Variants in MAP3K4 observed in about 807,000 individuals in gnomAD.
MAP3K4 encodes MAP three kinase 1.
In MAP3K4, 67 loss-of-function variants were observed where a neutral mutation model predicts 185.6. That is an observed-to-expected ratio of 0.36 (90% confidence interval 0.30 to 0.44). MAP3K4 has a LOEUF of 0.44. Ranked by LOEUF, MAP3K4 falls within the 20% of genes least tolerant of loss-of-function variation. The pLI, the probability that MAP3K4 is intolerant of heterozygous loss-of-function variation, is 1.00. For missense variants in MAP3K4, 1,551 were observed against 1,995.1 expected, an observed-to-expected ratio of 0.78 and a Z score of 4.24; for synonymous variants, 702 against 710.4, an observed-to-expected ratio of 0.99 and a Z score of 0.19.
rs889701542 is a variant in MAP3K4 at position 161,043,068 on chromosome 6, T to G, written c.344-5548T>G. Among the ~76,000 whole-genome samples, 1 of 152,210 alleles carries G rather than the reference T, an allele frequency of 6.6e-6. No individual in the cohort carries two copies. The highest frequency in any genetic ancestry group is 1.5e-5 in the Non-Finnish European group (1 of 68,036). On this transcript the variant is annotated intron_variant, in intron 2 of 26. Transcript: ENST00000392142. The surrounding 1 kb of genome is among the most constrained non-coding windows in gnomAD (Gnocchi z 4.3). ...TAGAATGTTTGCTTTTTAAAGAATA[T>G]CATACTGATGTAAAATGGAGCTGGT...
chr6:161,002,845 C>T (rs1314423854), intron 1 of MAP3K4, among the ~76,000 whole-genome samples: 1 of 152,144 alleles, frequency 6.6e-6, no homozygotes, highest in African/African-American at 2.4e-5. Flanking sequence ...CCCGCCTCAG[C>T]CTCCCAAAGT....
intron 1 of MAP3K4, among the ~76,000 whole-genome samples, chr6:161,016,356 T>G (rs1439306205): frequency 6.6e-6 from 1 of 152,244 alleles, no homozygotes; most frequent in African/African-American, 2.4e-5. Flanking sequence ...CTAATTTTGA[T>G]GCAGTTGGTT....
intron 1 of MAP3K4, among the ~76,000 whole-genome samples, chr6:161,024,774 G>A (rs1298685218): frequency 6.6e-6 from 1 of 152,146 alleles, no homozygotes; most frequent in Non-Finnish European, 1.5e-5. Flanking sequence ...TTGTTGTCAG[G>A]TTACCCCATT....
chr6:161,027,752 GT>G (rs2115141061), intron 1 of MAP3K4, among the ~76,000 whole-genome samples: 1 of 152,322 alleles, frequency 6.6e-6, no homozygotes, highest in South Asian at 2.1e-4. Context: ...ACATATTACA[GT>G]TTAACAAACC....
chr6:161,087,679 C>G lies in MAP3K4; in HGVS notation c.2557-9C>G. ...TGTTCCTTAAGATTTTGGATTATGTCTTTTGCAGGTGCAAATTCCTGGGTT... is the reference window on the plus strand; with the variant it reads ...TGTTCCTTAAGATTTTGGATTATGTGTTTTGCAGGTGCAAATTCCTGGGTT... On this transcript the variant is annotated splice_polypyrimidine_tract_variant and intron_variant, in intron 9 of 26. Transcript: ENST00000392142. This position sits in a 1 kb window ranked among gnomAD's most constrained non-coding sequence, Gnocchi z 4.9. 6.2e-7 allele frequency: 1 copy of G among 1,613,522 alleles called. No individual in the cohort carries two copies. The highest frequency in any genetic ancestry group is 1.3e-5 in the African/African-American group (1 of 75,040).
chr6:161,079,411 C>T (rs982594555), intron 5 of MAP3K4, among the ~76,000 whole-genome samples: 3 of 151,642 alleles, frequency 2.0e-5, no homozygotes, highest in Admixed American at 1.3e-4. Context: ...AACCCCGTCT[C>T]GGCTAAAAAT....
intron 1 of MAP3K4, among the ~76,000 whole-genome samples, chr6:161,023,718 G>T (rs949267438): frequency 3.9e-5 from 6 of 152,158 alleles, no homozygotes; most frequent in African/African-American, 1.4e-4. Flanking sequence ...ACCAGTTTTG[G>T]CAGTCACTGT....
Position 161,101,876 on chromosome 6 carries a change from A to T in MAP3K4, c.3675-16A>T. 1 of 1,599,354 alleles carries T rather than the reference A, an allele frequency of 6.3e-7. No individual in the cohort carries two copies. Among genetic ancestry groups the T allele is most frequent in the Non-Finnish European group, 8.6e-7 (1 of 1,167,764 alleles). ...CTATTGAATTGATAGCTCAATTATTAAAAATATTAAAACAGGGGTTCCAGC... is the reference window on the plus strand; with the variant it reads ...CTATTGAATTGATAGCTCAATTATTTAAAATATTAAAACAGGGGTTCCAGC... On this transcript the variant is annotated splice_polypyrimidine_tract_variant and intron_variant, in intron 17 of 26. Coordinates refer to ENST00000392142, the MANE Select transcript of MAP3K4 (RefSeq NM_005922.4). The surrounding 1 kb of genome is among the most constrained non-coding windows in gnomAD (Gnocchi z 5.1).
At position 161,115,155 on chromosome 6, in the gene MAP3K4, A is replaced by G; in HGVS notation, c.4659A>G (p.Gln1553=). Residue 1553 remains glutamine, a synonymous_variant, in exon 26 of 27, where the codon CAA becomes CAG. Transcript: ENST00000392142. The surrounding 1 kb of genome is among the most constrained non-coding windows in gnomAD (Gnocchi z 6.0). ...GGCATGAGTATGAGCACAACTTTCA[A>G]ATTATGTATAAAGTGGGGATGGGAC... ...RPWHEYEHNF[Q]IMYKVGMGHK... 1 of 1,613,878 alleles carries G rather than the reference A, an allele frequency of 6.2e-7. No individual in the cohort carries two copies. The highest frequency in any genetic ancestry group is 2.2e-5 in the East Asian group (1 of 44,886).
intron 1 of MAP3K4, among the ~76,000 whole-genome samples, chr6:160,993,142 A>G (rs1179645463): frequency 6.6e-6 from 1 of 152,218 alleles, no homozygotes; most frequent in Admixed American, 6.5e-5. Context: ...GGCCCAAACA[A>G]ATTTGTTTTA....
rs1778288570 is a variant in MAP3K4, at chr6:161,110,262, T to A, written c.4396+348T>A. On this transcript the variant is annotated intron_variant, in intron 23 of 26. Coordinates refer to ENST00000392142, the MANE Select transcript of MAP3K4 (RefSeq NM_005922.4). This position sits in a 1 kb window ranked among gnomAD's most constrained non-coding sequence, Gnocchi z 4.8. ...TCTCGTGTCAGGATTCTTGTCTATT[T>A]ATATATGAAAATCATGAATATGTAA... 6.6e-6 allele frequency among the ~76,000 whole-genome samples: 1 copy of A among 152,218 alleles called. No individual in the cohort carries two copies. Among genetic ancestry groups the A allele is most frequent in the African/African-American group, 2.4e-5 (1 of 41,454 alleles).
chr6:161,061,612 C>T lies in MAP3K4; in HGVS notation c.1708-8996C>T, dbSNP rs1055853308. Among the ~76,000 whole-genome samples the T allele has an allele frequency of 9.9e-5, 15 of 152,186 alleles. No individual in the cohort carries two copies. The highest frequency in any genetic ancestry group is 1.5e-4 in the Non-Finnish European group (10 of 68,046). On this transcript the variant is annotated intron_variant, in intron 3 of 26. Coordinates refer to ENST00000392142, the MANE Select transcript of MAP3K4 (RefSeq NM_005922.4). The surrounding 1 kb of genome is among the most constrained non-coding windows in gnomAD (Gnocchi z 4.2). ...AAGTCCTGTACCCTTTAGCTGTCAC[C>T]TCCACAATTCCTGTGCTCACTAGCC...
At position 161,051,117 on chromosome 6, in the gene MAP3K4, A is replaced by G. The variant is rs566921449; in HGVS notation, c.1707+1138A>G. On this transcript the variant is annotated intron_variant, in intron 3 of 26. Transcript: ENST00000392142. The surrounding 1 kb of genome is among the most constrained non-coding windows in gnomAD (Gnocchi z 4.2). Reference sequence around the variant, plus strand: ...GAATAATGGCAAGAAAAAAGTTTGTACATGTTTAATACAGATGTAGTTTTT... The same window carrying G: ...GAATAATGGCAAGAAAAAAGTTTGTGCATGTTTAATACAGATGTAGTTTTT... Among the ~76,000 whole-genome samples, 8 of 152,250 alleles carry G rather than the reference A, an allele frequency of 5.3e-5. No homozygotes were observed. Among genetic ancestry groups the G allele is most frequent in the Non-Finnish European group, 1.0e-4 (7 of 68,046 alleles).
At position 161,073,078 on chromosome 6, in the gene MAP3K4, T is replaced by C. The variant is rs1785021819; in HGVS notation, c.1951-388T>C. Among the ~76,000 whole-genome samples, 1 of 152,310 alleles carries C rather than the reference T, an allele frequency of 6.6e-6. No individual in the cohort carries two copies. Among genetic ancestry groups the C allele is most frequent in the East Asian group, 1.9e-4 (1 of 5,188 alleles). On this transcript the variant is annotated intron_variant, in intron 4 of 26. Transcript: ENST00000392142. The surrounding 1 kb of genome is among the most constrained non-coding windows in gnomAD (Gnocchi z 4.2). Reference sequence around the variant, plus strand: ...AGTACCTTTGAATCTTTATTATGTTTTTGATCATTAGGAGGTTTTTCTTTC... The same window carrying C: ...AGTACCTTTGAATCTTTATTATGTTCTTGATCATTAGGAGGTTTTTCTTTC...
Position 161,109,079 on chromosome 6 carries a change from A to G in MAP3K4, c.4236+220A>G. The G allele has an allele frequency of 7.4e-7, 1 of 1,353,932 alleles. No individual in the cohort carries two copies. The highest frequency in any genetic ancestry group is 1.0e-6 in the Non-Finnish European group (1 of 985,412). The allele number at this position is 1,353,932 out of a possible 1,614,324, so 83.9% of individuals were successfully genotyped here. A position where few individuals can be genotyped will look rare whatever the true frequency, so the allele number is the denominator to read the frequency against. ...CTGTAGTCATTAACCCGACATCATAAAGCACTGAAACCCATCCTGCCATTC... is the reference window on the plus strand; with the variant it reads ...CTGTAGTCATTAACCCGACATCATAGAGCACTGAAACCCATCCTGCCATTC... On this transcript the variant is annotated intron_variant, in intron 22 of 26. Transcript: ENST00000392142. This position sits in a 1 kb window ranked among gnomAD's most constrained non-coding sequence, Gnocchi z 5.7.
At position 161,026,170 on chromosome 6, in the gene MAP3K4, G is replaced by T. The variant is rs189904301; in HGVS notation, c.153-8089G>T. Among the ~76,000 whole-genome samples the T allele has an allele frequency of 2.5e-3, 380 of 151,998 alleles. 1 individual carries two copies. Among genetic ancestry groups the T allele is most frequent in the African/African-American group, 8.9e-3 (368 of 41,468 alleles). ...TTTTGAGATGGAGTCTTGCTCTGTG[G>T]CCCAGGCTGGAGTGCAGTGGCGCGA... On this transcript the variant is annotated intron_variant, in intron 1 of 26. Coordinates refer to ENST00000392142, the MANE Select transcript of MAP3K4 (RefSeq NM_005922.4).
intron 1 of MAP3K4, among the ~76,000 whole-genome samples, chr6:161,031,151 G>T (rs1321128073): frequency 1.3e-5 from 2 of 152,188 alleles, no homozygotes; most frequent in African/African-American, 2.4e-5. Context: ...GTCAGTAGTT[G>T]TTCATTGTGT....
chr6:161,001,359 G>T (rs1781315811), intron 1 of MAP3K4, among the ~76,000 whole-genome samples: 1 of 151,752 alleles, frequency 6.6e-6, no homozygotes, highest in Non-Finnish European at 1.5e-5. Flanking sequence ...TGATATATAT[G>T]TCATATGTAA....
At chr6:161,104,784 T>C (rs1439455151) in intron 19 of MAP3K4, among the ~76,000 whole-genome samples, 2 of 151,594 alleles carry the variant, frequency 1.3e-5, no homozygotes, top group African/African-American at 2.4e-5. Flanking sequence ...GTGGAGCCCA[T>C]GGCCTCACTG....
Sources: gnomAD v4.1 joint callset for allele counts (sites outside exome capture counted in the v4.1 genomes callset) on GRCh38, gnomAD v4.1.1 for gene constraint, Gnocchi (gnomAD v3.1) non-coding constraint, MANE v1.5 for transcripts, NCBI Gene and HGNC (gene_info 2026-07-23, HGNC 2026-07-21) for gene names.